Variants in STAC observed in about 807,000 individuals in gnomAD.
The protein encoded by STAC is SH3 and cysteine-rich domain-containing protein.
In STAC, 43 loss-of-function variants were observed where a neutral mutation model predicts 48.8. That is an observed-to-expected ratio of 0.88 (90% confidence interval 0.69 to 1.14). STAC has a LOEUF of 1.14. Among genes scored for constraint, STAC ranks in the 50% most tolerant of loss-of-function variants. The pLI is 0.00. For synonymous variants in STAC, 193 were observed against 179.5 expected (o/e 1.07, Z -0.60); for missense variants, 497 against 504.0 (o/e 0.99, Z 0.13).
At chr3:36,400,841 T>C (rs1296119220) in intron 1 of STAC, among the ~76,000 whole-genome samples, 1 of 152,230 alleles carries the variant, frequency 6.6e-6, no homozygotes, top group Non-Finnish European at 1.5e-5. Context: ...GCAAGTGTTC[T>C]CTTGACCCAG....
In STAC at chr3:36,520,059, G is replaced by A. The variant is rs542587776; in HGVS notation, c.921-8637G>A. 9.3e-4 allele frequency among the ~76,000 whole-genome samples: 141 copies of A among 152,210 alleles called. 1 individual carries two copies. Among genetic ancestry groups the A allele is most frequent in the South Asian group, 4.6e-3 (22 of 4,824 alleles). On this transcript the variant is annotated intron_variant, in intron 8 of 10. Transcript: ENST00000273183. ...GGTAATCTGAAAGGATATGCCAGAC[G>A]GGACATCCAGATCAGTCATGTTTTT...
At chr3:36,535,596 G>T (rs544684021) in intron 10 of STAC, among the ~76,000 whole-genome samples, 1 of 152,264 alleles carries the variant, frequency 6.6e-6, no homozygotes. Context: ...TATAATATTG[G>T]CTGTGGGTTT....
At chr3:36,415,254 C>T (rs916019895) in intron 1 of STAC, among the ~76,000 whole-genome samples, 1 of 152,152 alleles carries the variant, frequency 6.6e-6, no homozygotes, top group Non-Finnish European at 1.5e-5. Flanking sequence ...TCAGCTATGC[C>T]CTGCCCCCAG....
intron 8 of STAC, among the ~76,000 whole-genome samples, chr3:36,524,332 G>A (rs368811151): frequency 3.9e-5 from 6 of 152,072 alleles, no homozygotes; most frequent in South Asian, 4.1e-4. Flanking sequence ...GGTGGCTCAC[G>A]CCTGTAATCC....
At chr3:36,528,798 A>C in intron 9 of STAC, 50 bp from the exon 10 acceptor site, 1 of 1,606,668 alleles carries the variant, frequency 6.2e-7, no homozygotes, top group Non-Finnish European at 8.5e-7. Context: ...TTTGGTAACT[A>C]TTATAATACA....
At chr3:36,404,359 C>A (rs2125629533) in intron 1 of STAC, among the ~76,000 whole-genome samples, 1 of 152,288 alleles carries the variant, frequency 6.6e-6, no homozygotes, top group South Asian at 2.1e-4. Context: ...AAGGCACATT[C>A]TCTTCCCGTG....
In STAC at chr3:36,380,665, C is replaced by A. The variant is rs1699487535; in HGVS notation, c.22C>A (p.Arg8Ser). MIPPSSP[R>S]EDGVDGLPKE... ...CACGATGATCCCTCCGAGCAGCCCC[C>A]GCGAGGACGGCGTGGACGGGCTGCC... Residue 8 changes from arginine to serine, a missense_variant, in exon 1 of 11, where the codon CGC becomes AGC. Coordinates refer to ENST00000273183, the MANE Select transcript of STAC (RefSeq NM_003149.3). 1 of 1,601,284 alleles carries A rather than the reference C, an allele frequency of 6.2e-7. No individual in the cohort carries two copies. The highest frequency in any genetic ancestry group is 2.3e-5 in the East Asian group (1 of 44,320).
rs150586807 is a variant in STAC at position 36,487,007 on chromosome 3, C to T, written c.687+758C>T. Among the ~76,000 whole-genome samples the T allele has an allele frequency of 1.2e-4, 18 of 152,346 alleles. 1 individual carries two copies. The South Asian group carries it at 2.9e-3, about 25-fold the overall frequency. On this transcript the variant is annotated intron_variant, in intron 5 of 10. Transcript: ENST00000273183. ...CTAGTTTCCATTTCCATTGTTGCAGCCCCTGCTGGACTGGAAGCTTCTAGG... is the reference window on the plus strand; with the variant it reads ...CTAGTTTCCATTTCCATTGTTGCAGTCCCTGCTGGACTGGAAGCTTCTAGG...
chr3:36,515,975 CTTTTTT>C (rs1203330014), intron 8 of STAC, among the ~76,000 whole-genome samples: 2 of 61,448 alleles, frequency 3.3e-5, no homozygotes, highest in Admixed American at 2.5e-4. Flanking sequence ...CATTTTTCTC[CTTTTTT>C]TTTTTTTTTT....
intron 6 of STAC, among the ~76,000 whole-genome samples, chr3:36,499,656 G>A (rs1698235161): frequency 6.6e-6 from 1 of 151,888 alleles, no homozygotes; most frequent in Non-Finnish European, 1.5e-5. Context: ...ACTGATTTAA[G>A]CACTCTAGAT....
At chr3:36,486,112 T>G in intron 4 of STAC, 22 bp from the exon 5 acceptor site, 2 of 1,597,636 alleles carry the variant, frequency 1.3e-6, no homozygotes, top group Non-Finnish European at 8.6e-7. Flanking sequence ...CTTCCTCAGA[T>G]GAACTTTCTC....
intron 2 of STAC, among the ~76,000 whole-genome samples, chr3:36,482,591 C>T (rs756492186): frequency 6.6e-6 from 1 of 152,174 alleles, no homozygotes; most frequent in African/African-American, 2.4e-5. Flanking sequence ...ATTTATCCAA[C>T]GGCTCAGTTC....
chr3:36,542,495 A>G (rs1402065500), intron 10 of STAC, among the ~76,000 whole-genome samples: 3 of 152,048 alleles, frequency 2.0e-5, no homozygotes, highest in Non-Finnish European at 4.4e-5. Context: ...AATTTTTTCC[A>G]TTACTTCAAA....
At chr3:36,421,519 T>A (rs983824391) in intron 1 of STAC, among the ~76,000 whole-genome samples, 1 of 152,146 alleles carries the variant, frequency 6.6e-6, no homozygotes, top group Non-Finnish European at 1.5e-5. Context: ...GGAAAAGAGA[T>A]GTCTCTTTTC....
chr3:36,490,921 T>G (rs543549260), intron 5 of STAC, among the ~76,000 whole-genome samples: 1 of 152,344 alleles, frequency 6.6e-6, no homozygotes, highest in Non-Finnish European at 1.5e-5. Context: ...CCACTTATAC[T>G]GGCACTGGTT....
chr3:36,516,945 G>C (rs879725872), intron 8 of STAC, among the ~76,000 whole-genome samples: 1 of 152,128 alleles, frequency 6.6e-6, no homozygotes, highest in African/African-American at 2.4e-5. Flanking sequence ...TAAGGATATA[G>C]AGTAGAGAAA....
chr3:36,456,630 G>A (rs1244996171), intron 2 of STAC, among the ~76,000 whole-genome samples: 1 of 152,106 alleles, frequency 6.6e-6, no homozygotes, highest in Non-Finnish European at 1.5e-5. Context: ...CCTTCTTGGT[G>A]CCAAAATGCT....
chr3:36,473,431 C>G (rs568801034), intron 2 of STAC, among the ~76,000 whole-genome samples: 51 of 152,274 alleles, frequency 3.3e-4, no homozygotes, highest in African/African-American at 1.2e-3. Flanking sequence ...TGGGGAATTG[C>G]AGATGATACA....
At chr3:36,483,165 C>A in intron 3 of STAC, 73 bp downstream of exon 3, 1 of 1,143,356 alleles carries the variant, frequency 8.7e-7, no homozygotes, top group African/African-American at 1.5e-5. Flanking sequence ...GAGATCACCC[C>A]CTCCAAAATC....
Sources: allele counts gnomAD v4.1 joint callset (sites outside exome capture counted in the v4.1 genomes callset), GRCh38; gene constraint gnomAD v4.1.1; transcripts MANE v1.5; gene names NCBI Gene and HGNC (gene_info 2026-07-23, HGNC 2026-07-21).